Variants in ESR1 observed in about 807,000 individuals in gnomAD.
ESR1 encodes the protein estrogen receptor.
Under a neutral mutation model 52.7 loss-of-function variants are expected in ESR1, and 12 were observed. That is an observed-to-expected ratio of 0.23 (90% confidence interval 0.15 to 0.37). The LOEUF (loss-of-function observed/expected upper bound fraction) is 0.37, where lower values mean the gene tolerates loss of function less well. Among genes scored for constraint, ESR1 ranks in the 10% least tolerant of loss-of-function variants. The probability of loss-of-function intolerance (pLI) is 1.00; values close to 1 mark genes in which losing one functional copy is unlikely to be tolerated. For missense variants in ESR1, 584 were observed against 779.7 expected (o/e 0.75, Z 2.99); for synonymous variants, 305 against 316.8 (o/e 0.96, Z 0.39).
intron 5 of ESR1, among the ~76,000 whole-genome samples, chr6:152,027,969 C>A (rs1316459169): frequency 2.0e-5 from 3 of 152,014 alleles, no homozygotes; most frequent in Non-Finnish European, 4.4e-5. Context: ...TGGTGAAACC[C>A]CGTCTCTACT....
intron 1 of ESR1, among the ~76,000 whole-genome samples, chr6:151,825,953 G>C (rs943231372): frequency 6.6e-6 from 1 of 151,606 alleles, no homozygotes; most frequent in Non-Finnish European, 1.5e-5. Flanking sequence ...GTTTTCCAGG[G>C]TTCTGGGTAC....
chr6:151,973,890 G>T (rs2039167338), intron 4 of ESR1, among the ~76,000 whole-genome samples: 1 of 152,126 alleles, frequency 6.6e-6, no homozygotes, highest in Non-Finnish European at 1.5e-5. Context: ...TTCATGTCAG[G>T]TACCTAAAAG....
upstream of ESR1, among the ~76,000 whole-genome samples, chr6:151,800,042 G>A (rs1265172035): frequency 1.3e-5 from 2 of 152,288 alleles, no homozygotes; most frequent in East Asian, 1.9e-4. Flanking sequence ...CATAGGAGGA[G>A]CTTAATAAAT....
intron 6 of ESR1, chr6:152,118,313 C>G (rs1034805805): frequency 6.6e-6 from 1 of 152,154 alleles, no homozygotes; most frequent in Non-Finnish European, 1.5e-5. Context: ...CAAAGGCCCA[C>G]TGGTGACTGC....
chr6:151,948,024 T>C (rs973491054), intron 4 of ESR1, among the ~76,000 whole-genome samples: 2 of 152,230 alleles, frequency 1.3e-5, no homozygotes, highest in Admixed American at 1.3e-4. Flanking sequence ...AAGTAGATAA[T>C]TAAATCTTAA....
chr6:151,950,622 T>C (rs191251369), intron 4 of ESR1, among the ~76,000 whole-genome samples: 1 of 152,030 alleles, frequency 6.6e-6, no homozygotes, highest in East Asian at 1.9e-4. Context: ...CAGAAGAAGA[T>C]GATATGAAGA....
intron 1 of ESR1, among the ~76,000 whole-genome samples, chr6:151,675,052 T>C (rs1248000857): frequency 6.6e-6 from 1 of 152,222 alleles, no homozygotes; most frequent in Non-Finnish European, 1.5e-5. Context: ...TTTAAAAATA[T>C]ATAATATGGA....
At chr6:151,881,141 G>C (rs1397137909) in intron 3 of ESR1, among the ~76,000 whole-genome samples, 1 of 152,126 alleles carries the variant, frequency 6.6e-6, no homozygotes, top group Admixed American at 6.5e-5. Flanking sequence ...GATATCTGAG[G>C]ATAAACTTTC....
rs549381078 is a variant in ESR1 at position 151,981,042 on chromosome 6, G to A, written c.1097-30614G>A. ...AATGGCTGCAGGTATCTTAGTAGGAGACTAATTTTATTTTCCAATGATTAG... is the reference window on the plus strand; with the variant it reads ...AATGGCTGCAGGTATCTTAGTAGGAAACTAATTTTATTTTCCAATGATTAG... On this transcript the variant is annotated intron_variant, in intron 4 of 7. Transcript: ENST00000206249. 9.2e-5 allele frequency among the ~76,000 whole-genome samples: 14 copies of A among 152,268 alleles called. No homozygotes were observed. In the South Asian group the frequency reaches 1.9e-3, roughly 20 times the overall value.
chr6:151,937,318 C>G (rs1329161192), intron 3 of ESR1, among the ~76,000 whole-genome samples: 1 of 152,192 alleles, frequency 6.6e-6, no homozygotes, highest in Non-Finnish European at 1.5e-5. Flanking sequence ...AGCACTACCT[C>G]TGGTAGCCCC....
chr6:152,066,206 A>C (rs1487630811), intron 6 of ESR1, among the ~76,000 whole-genome samples: 1 of 152,216 alleles, frequency 6.6e-6, no homozygotes, highest in Non-Finnish European at 1.5e-5. Context: ...CTGGTCAAGG[A>C]AGTATTTGTT....
chr6:151,985,507 C>CAA (rs560626079), intron 4 of ESR1, among the ~76,000 whole-genome samples: 17 of 51,342 alleles, frequency 3.3e-4, no homozygotes, highest in Admixed American at 9.1e-4. Context: ...GACTCTGTCT[C>CAA]AAAAAAAAAA....
chr6:152,053,339 T>A lies in ESR1; in HGVS notation c.1236-7652T>A, dbSNP rs140744816. Among the ~76,000 whole-genome samples the A allele has an allele frequency of 9.3e-4, 141 of 152,246 alleles. 1 individual carries two copies. The East Asian group carries it at 0.011, about 12-fold the overall frequency. On this transcript the variant is annotated intron_variant, in intron 5 of 7. Coordinates refer to ENST00000206249, the MANE Select transcript of ESR1 (RefSeq NM_000125.4). The surrounding 1 kb of genome is among the most constrained non-coding windows in gnomAD (Gnocchi z 4.1). ...ATTTGTCCTCTTGATTGGTTCCACCTTGTCCTATCACGCTGGATATGCTGT... is the reference window on the plus strand; with the variant it reads ...ATTTGTCCTCTTGATTGGTTCCACCATGTCCTATCACGCTGGATATGCTGT...
intron 4 of ESR1, among the ~76,000 whole-genome samples, chr6:151,980,237 C>T (rs774747541): frequency 6.6e-6 from 1 of 152,180 alleles, no homozygotes; most frequent in Non-Finnish European, 1.5e-5. Context: ...TTGTATTCTT[C>T]TTCTAAAGTC....
chr6:152,070,884 C>T lies in ESR1; in HGVS notation c.1369+9760C>T, dbSNP rs934858713. Among the ~76,000 whole-genome samples, 7 of 138,986 alleles carry T rather than the reference C, an allele frequency of 5.0e-5. 1 individual carries two copies. The highest frequency in any genetic ancestry group is 2.2e-4 in the African/African-American group (7 of 31,750). 91.2% of individuals were successfully genotyped at this position (138,986 alleles called of 152,430 possible). A position where few individuals can be genotyped will look rare whatever the true frequency, so the allele number is the denominator to read the frequency against. On this transcript the variant is annotated intron_variant, in intron 6 of 7. Coordinates refer to ENST00000206249, the MANE Select transcript of ESR1 (RefSeq NM_000125.4). ...GTGCTTTTTAGGTTGCATTTTTCTT[C>T]TGGCATATAAGAAAGACAGCAATAT...
chr6:152,075,391 TA>T (rs2048660648), intron 6 of ESR1, among the ~76,000 whole-genome samples: 1 of 152,214 alleles, frequency 6.6e-6, no homozygotes, highest in African/African-American at 2.4e-5. Context: ...TCCAATGTAA[TA>T]TAACCTTCCT....
Position 151,902,130 on chromosome 6 carries a change from G to A in ESR1, c.760+21359G>A, listed in dbSNP as rs1366354409. 2.6e-5 allele frequency among the ~76,000 whole-genome samples: 4 copies of A among 152,262 alleles called. No individual in the cohort carries two copies. The East Asian group carries it at 5.8e-4, about 22-fold the overall frequency. ...ACTACATGAAGGTGTTGTTGACACA[G>A]GGGATTTAAGATGTGATCACTGACC... On this transcript the variant is annotated intron_variant, in intron 3 of 7. Coordinates refer to ENST00000206249, the MANE Select transcript of ESR1 (RefSeq NM_000125.4).
At chr6:151,945,083 T>C (rs2035548017) in intron 4 of ESR1, among the ~76,000 whole-genome samples, 1 of 152,026 alleles carries the variant, frequency 6.6e-6, no homozygotes, top group Admixed American at 6.6e-5. Context: ...CTGGATGCAG[T>C]GGCACACACC....
At chr6:151,799,380 A>T (rs931685268) in intron 2 of ESR1, among the ~76,000 whole-genome samples, 1 of 152,224 alleles carries the variant, frequency 6.6e-6, no homozygotes, top group South Asian at 2.1e-4. Context: ...GTTCTAGAAA[A>T]TATGAATCTG....
Sources: gnomAD v4.1 joint callset for allele counts (sites outside exome capture counted in the v4.1 genomes callset) on GRCh38, gnomAD v4.1.1 for gene constraint, Gnocchi (gnomAD v3.1) non-coding constraint, MANE v1.5 for transcripts, NCBI Gene and HGNC (gene_info 2026-07-23, HGNC 2026-07-21) for gene names.